RAD51B: variants seen among roughly 807,000 people sequenced by gnomAD.
The protein encoded by RAD51B is RAD51 paralog B.
A neutral mutation model predicts 42.2 loss-of-function variants in RAD51B; 38 were observed. The observed-to-expected ratio is 0.90, with a 90% CI of 0.70 to 1.18. The LOEUF (loss-of-function observed/expected upper bound fraction) is 1.18. RAD51B is among the 50% of genes most tolerant of loss of function. The pLI is 0.00. For synonymous variants in RAD51B, 154 were observed against 145.2 expected (o/e 1.06, Z -0.43); for missense variants, 373 against 400.7 (o/e 0.93, Z 0.59).
intron 7 of RAD51B, among the ~76,000 whole-genome samples, chr14:67,965,538 T>C (rs7160115): frequency 0.28 from 41,823 of 151,918 alleles, 7,519 homozygotes; most frequent in African/African-American, 0.51. Context: ...CATTAACACA[T>C]AAGGGATAAA....
chr14:68,467,509 T>C (rs2086014554), intron 9 of RAD51B, among the ~76,000 whole-genome samples: 1 of 152,240 alleles, frequency 6.6e-6, no homozygotes, highest in Non-Finnish European at 1.5e-5. Flanking sequence ...TGGACATATT[T>C]TTCTCTGACA....
intron 7 of RAD51B, among the ~76,000 whole-genome samples, chr14:68,092,346 C>G (rs1224515535): frequency 6.6e-6 from 1 of 152,176 alleles, no homozygotes; most frequent in Non-Finnish European, 1.5e-5. Context: ...GAATGTTCTT[C>G]CATTTGTTTG....
At chr14:68,162,861 G>C (rs1328276886) in intron 7 of RAD51B, among the ~76,000 whole-genome samples, 1 of 152,172 alleles carries the variant, frequency 6.6e-6, no homozygotes, top group Non-Finnish European at 1.5e-5. Flanking sequence ...ATGATAATAA[G>C]GGATTTAATG....
chr14:68,459,207 G>C (rs1222860753), intron 9 of RAD51B, among the ~76,000 whole-genome samples: 1 of 152,182 alleles, frequency 6.6e-6, no homozygotes, highest in Non-Finnish European at 1.5e-5. Context: ...CCTTTGGCTT[G>C]GAGAGTTCAG....
At chr14:68,066,238 G>C (rs2076647966) in intron 7 of RAD51B, among the ~76,000 whole-genome samples, 1 of 151,992 alleles carries the variant, frequency 6.6e-6, no homozygotes, top group Non-Finnish European at 1.5e-5. Flanking sequence ...AAACTGTAAA[G>C]AACATGATTT....
intron 10 of RAD51B, among the ~76,000 whole-genome samples, chr14:68,628,035 C>T (rs1892130923): frequency 6.6e-6 from 1 of 152,120 alleles, no homozygotes; most frequent in Admixed American, 6.5e-5. Flanking sequence ...ATGAAAGAGC[C>T]GTTCACCCAG....
chr14:67,939,931 G>A (rs1168670351), intron 7 of RAD51B, among the ~76,000 whole-genome samples: 1 of 140,534 alleles, frequency 7.1e-6, no homozygotes, highest in Non-Finnish European at 1.5e-5. Context: ...GGTTCATTAG[G>A]TATATATTCT....
chr14:67,938,527 A>C (rs72725141), intron 7 of RAD51B, among the ~76,000 whole-genome samples: 27,056 of 152,232 alleles, frequency 0.18, 2,614 homozygotes, highest in Middle Eastern at 0.36. Flanking sequence ...CCTATCCTTT[A>C]GAACATAGCC....
chr14:68,121,863 A>G (rs2077657475), intron 7 of RAD51B, among the ~76,000 whole-genome samples: 1 of 152,056 alleles, frequency 6.6e-6, no homozygotes, highest in Non-Finnish European at 1.5e-5. Context: ...TAACTTAAAG[A>G]CTGTGGTGCT....
At chr14:68,090,157 T>C (rs940268456) in intron 7 of RAD51B, among the ~76,000 whole-genome samples, 1 of 152,126 alleles carries the variant, frequency 6.6e-6, no homozygotes, top group Non-Finnish European at 1.5e-5. Context: ...GAACATAGAG[T>C]CCATCAGACC....
At chr14:68,450,991 G>A (rs987480082) in intron 9 of RAD51B, among the ~76,000 whole-genome samples, 1 of 152,110 alleles carries the variant, frequency 6.6e-6, no homozygotes, top group Non-Finnish European at 1.5e-5. Context: ...CTCAGCACAG[G>A]GAATGCCTCA....
intron 8 of RAD51B, among the ~76,000 whole-genome samples, chr14:68,335,799 C>T (rs868743981): frequency 1.6e-4 from 24 of 152,298 alleles, no homozygotes; most frequent in South Asian, 4.1e-4. Context: ...GAAAGTTCTA[C>T]AGAGCCTTCC....
intron 10 of RAD51B, among the ~76,000 whole-genome samples, chr14:68,587,955 G>A (rs1006705429): frequency 1.3e-5 from 2 of 152,150 alleles, no homozygotes; most frequent in African/African-American, 2.4e-5. Flanking sequence ...TCCTATAAAC[G>A]CGGGCCTGGA....
intron 7 of RAD51B, among the ~76,000 whole-genome samples, chr14:68,198,522 A>C (rs999030628): frequency 1.3e-5 from 2 of 152,180 alleles, no homozygotes; most frequent in Non-Finnish European, 1.5e-5. Flanking sequence ...TGTTGAACTC[A>C]GGGTGAATTG....
intron 8 of RAD51B, among the ~76,000 whole-genome samples, chr14:68,358,221 C>T (rs1207084090): frequency 6.6e-6 from 1 of 152,098 alleles, no homozygotes; most frequent in Non-Finnish European, 1.5e-5. Context: ...GCGAGAATGA[C>T]CAAAACATGA....
chr14:68,423,501 T>C (rs1469322783), intron 9 of RAD51B, among the ~76,000 whole-genome samples: 1 of 152,216 alleles, frequency 6.6e-6, no homozygotes, highest in Non-Finnish European at 1.5e-5. Flanking sequence ...CATTGAACGT[T>C]ATGGAGTTTG....
At position 68,036,523 on chromosome 14, in the gene RAD51B, G is replaced by A. The variant is rs191532944; in HGVS notation, c.756+149319G>A. ...ATTTCAGCCTCTGCGTTTAGTACATGTGAGCTTTGGACAGAGAGTGCCTTT... is the reference window on the plus strand; with the variant it reads ...ATTTCAGCCTCTGCGTTTAGTACATATGAGCTTTGGACAGAGAGTGCCTTT... On this transcript the variant is annotated intron_variant, in intron 7 of 10. Coordinates refer to ENST00000471583, the MANE Select transcript of RAD51B (RefSeq NM_133510.4). Among the ~76,000 whole-genome samples, 93 of 152,332 alleles carry A rather than the reference G, an allele frequency of 6.1e-4. 1 individual carries two copies. Among genetic ancestry groups the A allele is most frequent in the African/African-American group, 1.8e-3 (75 of 41,580 alleles).
intron 7 of RAD51B, among the ~76,000 whole-genome samples, chr14:67,966,117 T>C (rs1037974343): frequency 2.0e-5 from 3 of 152,218 alleles, no homozygotes; most frequent in African/African-American, 7.2e-5. Context: ...TAGTAGTTAA[T>C]TTCAAGAATT....
intron 7 of RAD51B, among the ~76,000 whole-genome samples, chr14:67,990,932 G>A (rs1411321096): frequency 6.6e-6 from 1 of 152,148 alleles, no homozygotes; most frequent in Non-Finnish European, 1.5e-5. Flanking sequence ...TTTAGAGAGG[G>A]TAGAAGGGTG....
Sources: allele counts gnomAD v4.1 joint callset (sites outside exome capture counted in the v4.1 genomes callset), GRCh38; gene constraint gnomAD v4.1.1; transcripts MANE v1.5; gene names NCBI Gene and HGNC (gene_info 2026-07-23, HGNC 2026-07-21).